Variants in GNL3L observed in about 807,000 individuals in gnomAD.
GNL3L encodes the protein guanine nucleotide-binding protein-like 3-like protein.
Under a neutral mutation model 42.9 loss-of-function variants are expected in GNL3L, and 4 were observed. That is an observed-to-expected ratio of 0.09 (90% CI 0.05 to 0.21). The LOEUF (loss-of-function observed/expected upper bound fraction) is 0.21, where lower values mean the gene tolerates loss of function less well. Ranked by LOEUF, GNL3L falls within the 10% of genes least tolerant of loss-of-function variation. The pLI is 1.00. For synonymous variants in GNL3L, 159 were observed against 176.3 expected (o/e 0.90, Z 0.78); for missense variants, 412 against 481.7 (o/e 0.86, Z 1.36).
At chrX:54,588,319 AT>A (rs763559238) in intron 16 of GNL3L, among the ~76,000 whole-genome samples, 1 of 112,220 alleles carries the variant, frequency 8.9e-6, no homozygotes, top group South Asian at 3.7e-4. Context: ...GTCTTTTACC[AT>A]TTTTTGTAAT....
intron 2 of GNL3L, among the ~76,000 whole-genome samples, chrX:54,532,861 G>C (rs1029764162): frequency 1.8e-5 from 2 of 111,315 alleles, no homozygotes; most frequent in Non-Finnish European, 1.9e-5. Flanking sequence ...GTTTCACCAT[G>C]TTGGCCAGGC....
At chrX:54,580,009 T>TA (rs1215433822) in intron 16 of GNL3L, among the ~76,000 whole-genome samples, 2 of 101,192 alleles carry the variant, frequency 2.0e-5, no homozygotes, top group Non-Finnish European at 4.0e-5. Flanking sequence ...TTTTTTTTTT[T>TA]TTTTATACTT....
the GNL3L span, among the ~76,000 whole-genome samples, chrX:54,640,363 C>T: frequency 8.9e-6 from 1 of 111,922 alleles, no homozygotes; most frequent in African/African-American, 3.2e-5. Context: ...TTTTAAATGT[C>T]CATCAGCAGA....
chrX:54,588,317 C>T (rs1419329665), intron 16 of GNL3L, among the ~76,000 whole-genome samples: 2 of 112,033 alleles, frequency 1.8e-5, no homozygotes, highest in Non-Finnish European at 3.8e-5. Flanking sequence ...CAGTCTTTTA[C>T]CATTTTTTGT....
chrX:54,557,238 C>T (rs985316623), intron 14 of GNL3L, among the ~76,000 whole-genome samples: 63 of 108,586 alleles, frequency 5.8e-4, no homozygotes, highest in African/African-American at 2.0e-3. Flanking sequence ...TTGCCCCACA[C>T]GGAGCTGGAC....
the GNL3L span, among the ~76,000 whole-genome samples, chrX:54,634,227 G>A: frequency 8.9e-6 from 1 of 112,059 alleles, no homozygotes; most frequent in Non-Finnish European, 1.9e-5. Context: ...CTCTTTCTTA[G>A]ACTCAAATAA....
At chrX:54,585,766 C>T (rs1200329248) in intron 16 of GNL3L, among the ~76,000 whole-genome samples, 1 of 110,897 alleles carries the variant, frequency 9.0e-6, no homozygotes, top group Non-Finnish European at 1.9e-5. Context: ...GTGTTATTTT[C>T]TTCCTTCTAC....
intron 8 of GNL3L, among the ~76,000 whole-genome samples, chrX:54,544,883 G>A (rs1924729119): frequency 9.0e-6 from 1 of 111,221 alleles, no homozygotes; most frequent in Non-Finnish European, 1.9e-5. Context: ...TGTCTATAGG[G>A]AATTTGTAAA....
intron 16 of GNL3L, among the ~76,000 whole-genome samples, chrX:54,601,674 A>G (rs1167372658): frequency 1.8e-5 from 2 of 111,825 alleles, no homozygotes; most frequent in Non-Finnish European, 3.8e-5. Flanking sequence ...TGGTTAACAG[A>G]TATATGTTAA....
chrX:54,542,937 T>C lies in GNL3L; in HGVS notation c.307-18T>C. The C allele has an allele frequency of 9.5e-7, 1 of 1,057,387 alleles. No homozygotes were observed. Among genetic ancestry groups the C allele is most frequent in the Non-Finnish European group, 1.3e-6 (1 of 758,926 alleles). 87.1% of individuals were successfully genotyped at this position (1,057,387 alleles called of 1,213,427 possible). On this transcript the variant is annotated intron_variant, in intron 5 of 15. Coordinates refer to ENST00000360845, the MANE Select transcript of GNL3L (RefSeq NM_001184819.2). Reference sequence around the variant, plus strand: ...CCCCCTCCTCCCCTGGACCATTCTCTTTTTTTTTCTCCTTTAGGAGGAAGT... The same window carrying C: ...CCCCCTCCTCCCCTGGACCATTCTCCTTTTTTTTCTCCTTTAGGAGGAAGT...
At chrX:54,595,558 A>G (rs1212955345) in intron 16 of GNL3L, among the ~76,000 whole-genome samples, 2 of 111,155 alleles carry the variant, frequency 1.8e-5, no homozygotes, top group Non-Finnish European at 3.8e-5. Flanking sequence ...CCCTTCTAGT[A>G]CTTGGTATTG....
At chrX:54,592,064 T>C (rs1319174060) in intron 16 of GNL3L, among the ~76,000 whole-genome samples, 4 of 112,054 alleles carry the variant, frequency 3.6e-5, no homozygotes, top group Non-Finnish European at 5.6e-5. Flanking sequence ...TTAATTTTAT[T>C]TGTGGCTATT....
downstream of GNL3L, among the ~76,000 whole-genome samples, chrX:54,624,716 C>T (rs753337712): frequency 9.0e-6 from 1 of 110,890 alleles, no homozygotes; most frequent in South Asian, 3.8e-4. Flanking sequence ...GCTGGGATTA[C>T]AGGCATGAGC....
intron 16 of GNL3L, among the ~76,000 whole-genome samples, chrX:54,596,395 T>C (rs1256903770): frequency 8.9e-6 from 1 of 111,980 alleles, no homozygotes; most frequent in Admixed American, 9.5e-5. Flanking sequence ...TTCTCTTCCC[T>C]TACTTTCTCC....
chrX:54,580,219 A>G (rs1222601930), intron 16 of GNL3L, among the ~76,000 whole-genome samples: 5 of 88,643 alleles, frequency 5.6e-5, no homozygotes, highest in Non-Finnish European at 8.4e-5. Context: ...TCATTGTTCA[A>G]TTCCCACCTA....
intron 2 of GNL3L, among the ~76,000 whole-genome samples, chrX:54,538,152 C>G (rs1924500127): frequency 9.0e-6 from 1 of 110,771 alleles, no homozygotes; most frequent in African/African-American, 3.3e-5. Context: ...GATCACACCA[C>G]TGCACTCCAT....
chrX:54,602,902 G>T (rs1926020053), intron 16 of GNL3L, among the ~76,000 whole-genome samples: 1 of 111,902 alleles, frequency 8.9e-6, no homozygotes, highest in African/African-American at 3.2e-5. Context: ...GATAAGGCAG[G>T]TTGGCTGACA....
intron 16 of GNL3L, among the ~76,000 whole-genome samples, chrX:54,608,135 G>A (rs1926119586): frequency 9.0e-6 from 1 of 111,475 alleles, no homozygotes; most frequent in Admixed American, 9.5e-5. Context: ...GGTTGTTTTT[G>A]TATAGGGGGA....
In GNL3L at chrX:54,548,371, T is replaced by C. The variant is rs1284651042; in HGVS notation, c.773T>C (p.Val258Ala). The C allele has an allele frequency of 1.7e-6, 2 of 1,198,420 alleles. No homozygotes were observed. Among genetic ancestry groups the C allele is most frequent in the South Asian group, 3.6e-5 (2 of 56,148 alleles). ...CGCACCCACATTCGTGTGGGTGTTGTGGGTAAGACCTGCTGTGTGGTCATG... is the reference window on the plus strand; with the variant it reads ...CGCACCCACATTCGTGTGGGTGTTGCGGGTAAGACCTGCTGTGTGGTCATG... ...EVRTHIRVGV[V>A]GLPNVGKSSL... Residue 258 changes from valine to alanine, a missense_variant and splice_region_variant, in exon 9 of 16, where the codon GTG becomes GCG. Physicochemically the swap from Val to Ala is moderately conservative, Grantham distance 64. Coordinates refer to ENST00000360845, the MANE Select transcript of GNL3L (RefSeq NM_001184819.2).
Sources: allele counts gnomAD v4.1 joint callset (sites outside exome capture counted in the v4.1 genomes callset), GRCh38; gene constraint gnomAD v4.1.1; transcripts MANE v1.5; gene names NCBI Gene and HGNC (gene_info 2026-07-23, HGNC 2026-07-21).